Variants in TSPAN11 observed in about 807,000 individuals in gnomAD.
The protein encoded by TSPAN11 is tetraspanin-11.
TSPAN11 carries 29 observed loss-of-function variants against 32.9 expected under a neutral mutation model. The observed-to-expected ratio is 0.88, with a 90% confidence interval of 0.66 to 1.20. The LOEUF (loss-of-function observed/expected upper bound fraction) is 1.20, where lower values mean the gene tolerates loss of function less well. Ranked by LOEUF, TSPAN11 falls within the 50% of genes most tolerant of loss-of-function variation. The pLI, the probability that TSPAN11 is intolerant of heterozygous loss-of-function variation, is 0.00. For synonymous variants in TSPAN11, 140 were observed against 141.3 expected, an observed-to-expected ratio of 0.99 and a Z score of 0.07; for missense variants, 283 against 329.1, an observed-to-expected ratio of 0.86 and a Z score of 1.08.
the TSPAN11 span, among the ~76,000 whole-genome samples, chr12:31,015,277 CT>C: frequency 1.3e-5 from 2 of 152,188 alleles, no homozygotes; most frequent in Non-Finnish European, 2.9e-5. This position sits in a 1 kb window ranked among gnomAD's most constrained non-coding sequence, Gnocchi z 4.9. Context: ...CACCGTACCC[CT>C]GTCTCATAAG....
chr12:30,951,003 G>A (rs1938370378), intron 1 of TSPAN11, among the ~76,000 whole-genome samples: 1 of 152,142 alleles, frequency 6.6e-6, no homozygotes, highest in African/African-American at 2.4e-5. Flanking sequence ...TTAAGTGAGG[G>A]ATAAATAAAT....
chr12:30,992,258 C>T lies in TSPAN11; in HGVS notation c.*343C>T, dbSNP rs537056920. ...TCTCTGCTCCCTCCCAGCTCCTGAACCTGGAACAATCGGCAGAAAACCCAG... is the reference window on the plus strand; with the variant it reads ...TCTCTGCTCCCTCCCAGCTCCTGAATCTGGAACAATCGGCAGAAAACCCAG... On this transcript the variant is annotated 3_prime_UTR_variant, in exon 8 of 8. Coordinates refer to ENST00000546076, the MANE Select transcript of TSPAN11 (RefSeq NM_001370302.1). 544 of 363,664 alleles carry T rather than the reference C, an allele frequency of 1.5e-3. 1 individual carries two copies. Among genetic ancestry groups the T allele is most frequent in the Non-Finnish European group, 2.2e-3 (431 of 194,596 alleles). 22.5% of individuals were successfully genotyped at this position (363,664 alleles called of 1,614,324 possible). A position where few individuals can be genotyped will look rare whatever the true frequency, so the allele number is the denominator to read the frequency against.
rs146493644 is a variant in TSPAN11, at chr12:30,982,814, C to T, written c.615+124C>T. The T allele has an allele frequency of 6.5e-4, 889 of 1,376,350 alleles. 16 individuals are homozygous for T. The East Asian group carries it at 0.021, about 33-fold the overall frequency. The allele number at this position is 1,376,350 out of a possible 1,614,324, so 85.3% of individuals were successfully genotyped here. On this transcript the variant is annotated intron_variant, in intron 6 of 7. Coordinates refer to ENST00000546076, the MANE Select transcript of TSPAN11 (RefSeq NM_001370302.1). The stretch of plus-strand genomic sequence containing the variant: ...GCAGGACACATGTGCTCCTTGGCCA[C>T]GAGCCCACAGTGTCTGGGGCTTTCC...
At chr12:31,006,300 G>C in the TSPAN11 span, among the ~76,000 whole-genome samples, 1,502 of 152,338 alleles carry the variant, frequency 9.9e-3, 28 homozygotes, top group African/African-American at 0.034. Context: ...AACCACCCCA[G>C]TGTGGTCCAG....
At position 30,988,600 on chromosome 12, in the gene TSPAN11, C is replaced by CA. The variant is rs531510996; in HGVS notation, c.703-3246dup. The CA allele has an allele frequency of 6.2e-4, 93 of 149,126 alleles. 2 individuals carry two copies. Among genetic ancestry groups the CA allele is most frequent in the South Asian group, 2.4e-3 (11 of 4,644 alleles). 9.2% of individuals were successfully genotyped at this position (149,126 alleles called of 1,614,324 possible). On this transcript the variant is annotated intron_variant, in intron 7 of 7. Coordinates refer to ENST00000546076, the MANE Select transcript of TSPAN11 (RefSeq NM_001370302.1). ...GCAAGACTCCATCTAAAAAACAAAACAAAAAAAAAACCACACACACATTGC... is the reference window on the plus strand; with the variant it reads ...GCAAGACTCCATCTAAAAAACAAAACAAAAAAAAAAACCACACACACATTGC...
the TSPAN11 span, among the ~76,000 whole-genome samples, chr12:31,011,633 C>T: frequency 6.6e-6 from 1 of 152,152 alleles, no homozygotes; most frequent in African/African-American, 2.4e-5. Flanking sequence ...TGGCCTTGCC[C>T]TCAGGGACTC....
rs768503365 is a variant in TSPAN11, at chr12:30,930,708, G to C, written c.-12+3912G>C. Among the ~76,000 whole-genome samples, 59 of 152,354 alleles carry C rather than the reference G, an allele frequency of 3.9e-4. No individual in the cohort carries two copies. The Middle Eastern group carries it at 0.014, about 35-fold the overall frequency. ...AATTTGAAAAAGGTCTTATGGCAAGGAGGGGGCTTGAAGAGTGGTGACTAC... is the reference window on the plus strand; with the variant it reads ...AATTTGAAAAAGGTCTTATGGCAAGCAGGGGGCTTGAAGAGTGGTGACTAC... On this transcript the variant is annotated intron_variant, in intron 1 of 7. Transcript: ENST00000546076.
chr12:30,957,583 G>A (rs1565793911), intron 2 of TSPAN11, among the ~76,000 whole-genome samples: 1 of 151,940 alleles, frequency 6.6e-6, no homozygotes, highest in Non-Finnish European at 1.5e-5. Flanking sequence ...TTCTCTCTAG[G>A]CCTTGGTTTC....
At chr12:31,010,928 C>T in the TSPAN11 span, among the ~76,000 whole-genome samples, 1 of 151,986 alleles carries the variant, frequency 6.6e-6, no homozygotes. Flanking sequence ...AAAGATCGAA[C>T]AGAGGGGTTA....
chr12:30,980,425 T>G (rs1015929286), intron 5 of TSPAN11, among the ~76,000 whole-genome samples: 4 of 152,204 alleles, frequency 2.6e-5, no homozygotes, highest in African/African-American at 9.7e-5. Flanking sequence ...AGATGTAGGA[T>G]GCTGCCTTCA....
At chr12:30,943,604 G>A (rs1395405725) in intron 1 of TSPAN11, among the ~76,000 whole-genome samples, 1 of 152,212 alleles carries the variant, frequency 6.6e-6, no homozygotes, top group African/African-American at 2.4e-5. Flanking sequence ...CTAATCTGCA[G>A]TGTGACTTTG....
At chr12:30,955,112 T>G (rs1389387477) in intron 2 of TSPAN11, 1 of 152,220 alleles carries the variant, frequency 6.6e-6, no homozygotes, top group Admixed American at 6.5e-5. Context: ...TTAGGATGGG[T>G]AGACATGGCA....
chr12:30,988,585 A>C (rs558151931), intron 7 of TSPAN11: 4 of 152,286 alleles, frequency 2.6e-5, no homozygotes, highest in African/African-American at 9.6e-5. Flanking sequence ...GCAAGACTCC[A>C]TCTAAAAAAC....
Position 30,931,284 on chromosome 12 carries a change from C to CATA in TSPAN11, c.-12+4489_-12+4491dup, listed in dbSNP as rs1274514229. 2.0e-5 allele frequency among the ~76,000 whole-genome samples: 3 copies of CATA among 152,074 alleles called. No homozygotes were observed. In the East Asian group the frequency reaches 5.8e-4, roughly 29 times the overall value. ...TAGTTTGATTCCTTTCTGCTTGATACATATCAGTTGAGGTCACTTGCTAGC... is the reference window on the plus strand; with the variant it reads ...TAGTTTGATTCCTTTCTGCTTGATACATAATATCAGTTGAGGTCACTTGCTAGC... On this transcript the variant is annotated intron_variant, in intron 1 of 7. Coordinates refer to ENST00000546076, the MANE Select transcript of TSPAN11 (RefSeq NM_001370302.1).
intron 2 of TSPAN11, among the ~76,000 whole-genome samples, chr12:30,962,396 T>C (rs894520718): frequency 6.6e-6 from 1 of 152,224 alleles, no homozygotes; most frequent in East Asian, 1.9e-4. Context: ...ATCTCAATTC[T>C]AAAACTCATG....
chr12:30,963,144 AGGCGGCTC>A (rs1938647162), intron 2 of TSPAN11, among the ~76,000 whole-genome samples: 1 of 152,198 alleles, frequency 6.6e-6, no homozygotes, highest in Admixed American at 6.5e-5. Context: ...CTGCAGTCCC[AGGCGGCTC>A]CAGCCTGTCA....
At chr12:30,946,132 G>A (rs1938262225) in intron 1 of TSPAN11, among the ~76,000 whole-genome samples, 1 of 152,156 alleles carries the variant, frequency 6.6e-6, no homozygotes, top group Non-Finnish European at 1.5e-5. Context: ...TCAAAGTGTG[G>A]TTCCGAGACA....
intron 3 of TSPAN11, among the ~76,000 whole-genome samples, chr12:30,967,259 A>G (rs1279984703): frequency 6.6e-6 from 1 of 152,222 alleles, no homozygotes; most frequent in African/African-American, 2.4e-5. Flanking sequence ...CTGTGTCTCA[A>G]CCTGGCTGTC....
chr12:31,000,011 G>GT (rs1409975381), downstream of TSPAN11, among the ~76,000 whole-genome samples: 3 of 152,158 alleles, frequency 2.0e-5, no homozygotes, highest in Non-Finnish European at 4.4e-5. Flanking sequence ...GTGGAGTGTT[G>GT]TTACTCTTTC....
Sources: allele counts gnomAD v4.1 joint callset (sites outside exome capture counted in the v4.1 genomes callset), GRCh38; gene constraint gnomAD v4.1.1; non-coding constraint Gnocchi (gnomAD v3.1); transcripts MANE v1.5; gene names NCBI Gene and HGNC (gene_info 2026-07-23, HGNC 2026-07-21).